The following PHF14 variants were observed in gnomAD, a reference collection of about 807,000 sequenced individuals.
The protein encoded by PHF14 is PHD finger protein 14.
PHF14 carries 55 observed loss-of-function variants against 117.9 expected under a neutral mutation model. That is an observed-to-expected ratio of 0.47 (90% CI 0.38 to 0.58). PHF14 has a LOEUF of 0.58. Ranked by LOEUF, PHF14 falls within the 20% of genes least tolerant of loss-of-function variation. The probability of loss-of-function intolerance (pLI) is 0.00; values close to 1 mark genes in which losing one functional copy is unlikely to be tolerated. For synonymous variants in PHF14, 409 were observed against 368.6 expected (o/e 1.11, Z -1.26); for missense variants, 978 against 1,122.2 (o/e 0.87, Z 1.84).
chr7:11,136,324 A>G (rs943325559), intron 17 of PHF14, among the ~76,000 whole-genome samples: 1 of 151,804 alleles, frequency 6.6e-6, no homozygotes, highest in Non-Finnish European at 1.5e-5. Flanking sequence ...AGAACTTTTC[A>G]TTTTTATTTG....
intron 4 of PHF14, among the ~76,000 whole-genome samples, chr7:11,001,335 T>G (rs1370467700): frequency 2.6e-5 from 4 of 152,168 alleles, no homozygotes; most frequent in Admixed American, 1.3e-4. Flanking sequence ...GTGTTACTCC[T>G]TTGACTTGTT....
intron 2 of PHF14, among the ~76,000 whole-genome samples, chr7:10,975,521 T>C (rs954606656): frequency 1.3e-5 from 2 of 152,212 alleles, no homozygotes; most frequent in African/African-American, 4.8e-5. Context: ...AAAAACTTTT[T>C]TTAAAGGTCG....
intron 16 of PHF14, among the ~76,000 whole-genome samples, chr7:11,082,653 G>T (rs920539964): frequency 6.6e-6 from 1 of 152,166 alleles, no homozygotes; most frequent in Middle Eastern, 3.2e-3. Flanking sequence ...AAGATAAAGA[G>T]TTGGGGATAA....
chr7:11,112,285 T>TA (rs964453294), intron 17 of PHF14, among the ~76,000 whole-genome samples: 1 of 152,178 alleles, frequency 6.6e-6, no homozygotes, highest in African/African-American at 2.4e-5. Flanking sequence ...CAATGCTACT[T>TA]AAATGATTTT....
At chr7:11,168,019 CAA>C (rs35327585) in intron 17 of PHF14, among the ~76,000 whole-genome samples, 8 of 122,566 alleles carry the variant, frequency 6.5e-5, no homozygotes, top group African/African-American at 8.7e-5. Context: ...GAGTCCGTCT[CAA>C]AAAAAAAAAA....
rs766766816 is a variant in PHF14 at position 11,028,757 on chromosome 7, C to T, written c.1394C>T (p.Ala465Val). The change falls in exon 7 of 18, where the codon GCC (alanine) becomes GTC (valine). Residue 465 changes from alanine (A) to valine (V), a missense_variant. Around this residue, in one of 7 missense-constraint regions of PHF14, gnomAD observed 23 missense variants for 66.8 expected, o/e 0.34. Coordinates refer to ENST00000634607, the MANE Select transcript of PHF14 (RefSeq NM_001007157.2). Reference sequence around the variant, plus strand: ...AGCTGTGATGCAGGGATGTGCAGAGCCTATTTCCATGTGACCTGTGCTCAA... The same window carrying T: ...AGCTGTGATGCAGGGATGTGCAGAGTCTATTTCCATGTGACCTGTGCTCAA... ...CISCDAGMCR[A>V]YFHVTCAQKE... 6.2e-7 allele frequency: 1 copy of T among 1,613,702 alleles called. No individual in the cohort carries two copies. Among genetic ancestry groups the T allele is most frequent in the East Asian group, 2.2e-5 (1 of 44,858 alleles).
chr7:11,140,478 T>C (rs1788369810), intron 17 of PHF14, among the ~76,000 whole-genome samples: 1 of 152,140 alleles, frequency 6.6e-6, no homozygotes, highest in Non-Finnish European at 1.5e-5. Context: ...GAAGCAAATA[T>C]GTACAGTATA....
intron 3 of PHF14, among the ~76,000 whole-genome samples, chr7:10,983,911 ACT>A (rs1294593933): frequency 6.6e-6 from 1 of 151,702 alleles, no homozygotes; most frequent in Non-Finnish European, 1.5e-5. Context: ...ATCATTCAAG[ACT>A]CTTCAGTCAA....
rs1265713563 is a variant in PHF14 at position 11,169,602 on chromosome 7, A to G, written c.*112A>G. 1 of 485,060 alleles carries G rather than the reference A, an allele frequency of 2.1e-6. No individual in the cohort carries two copies. The highest frequency in any genetic ancestry group is 3.6e-6 in the Non-Finnish European group (1 of 275,698). 30.0% of individuals were successfully genotyped at this position (485,060 alleles called of 1,614,324 possible). A position where few individuals can be genotyped will look rare whatever the true frequency, so the allele number is the denominator to read the frequency against. ...CTAATTTGCAAAATGTTCTCAATAA[A>G]GTCATTCAAAATGAAATAGGAGCTT... On this transcript the variant is annotated 3_prime_UTR_variant, in exon 18 of 18. Transcript: ENST00000634607.
intron 13 of PHF14, among the ~76,000 whole-genome samples, chr7:11,050,202 T>G (rs1784809606): frequency 6.6e-6 from 1 of 152,200 alleles, no homozygotes. Flanking sequence ...TAGTGAAAGA[T>G]GTGAATTTTG....
Position 11,098,293 on chromosome 7 carries a change from C to G in PHF14, c.2655-13057C>G, listed in dbSNP as rs73277678. ...CTATTAAAACATTTCTTGATCCATT[C>G]TTTTCCTTTCCCATTCCTATGGCTT... On this transcript the variant is annotated intron_variant, in intron 16 of 17. Coordinates refer to ENST00000634607, the MANE Select transcript of PHF14 (RefSeq NM_001007157.2). Among the ~76,000 whole-genome samples the G allele has an allele frequency of 1.6e-3, 237 of 152,242 alleles. 2 individuals carry two copies. The highest frequency in any genetic ancestry group is 5.6e-3 in the African/African-American group (233 of 41,542).
chr7:11,071,732 T>A (rs1373139353), intron 16 of PHF14, among the ~76,000 whole-genome samples: 1 of 152,224 alleles, frequency 6.6e-6, no homozygotes, highest in African/African-American at 2.4e-5. Context: ...CACTGGTTTC[T>A]CATAGCCCTG....
chr7:11,122,342 TATATATATATACACAC>T (rs754684074), intron 17 of PHF14, among the ~76,000 whole-genome samples: 16 of 89,130 alleles, frequency 1.8e-4, no homozygotes, highest in African/African-American at 5.8e-4. Flanking sequence ...TATATATATA[TATATATATATACACAC>T]ACACACACAC....
At chr7:11,052,725 T>G (rs1562441734) in intron 14 of PHF14, among the ~76,000 whole-genome samples, 3 of 152,204 alleles carry the variant, frequency 2.0e-5, no homozygotes. Context: ...TGTTCATCTA[T>G]TTACATATTT....
intron 6 of PHF14, among the ~76,000 whole-genome samples, chr7:11,023,790 G>A (rs1783817970): frequency 6.6e-6 from 1 of 151,990 alleles, no homozygotes; most frequent in South Asian, 2.1e-4. Flanking sequence ...ATTGCGCCAC[G>A]GCACTCCAGC....
intron 16 of PHF14, among the ~76,000 whole-genome samples, chr7:11,068,083 G>A (rs1392159055): frequency 6.6e-6 from 1 of 152,140 alleles, no homozygotes. Context: ...GGGTGCGGTG[G>A]CTCACGCCTG....
At chr7:11,007,501 T>G (rs867740222) in intron 4 of PHF14, among the ~76,000 whole-genome samples, 5 of 152,192 alleles carry the variant, frequency 3.3e-5, no homozygotes, top group Non-Finnish European at 5.9e-5. Context: ...AAGGGACATT[T>G]TTAAAAGTGT....
At chr7:11,139,288 C>G (rs377567574) in intron 17 of PHF14, among the ~76,000 whole-genome samples, 1 of 152,244 alleles carries the variant, frequency 6.6e-6, no homozygotes, top group Middle Eastern at 3.4e-3. Flanking sequence ...ATTAGGCATT[C>G]ATCTATCTTT....
intron 7 of PHF14, 154 bp from the exon 8 acceptor site, chr7:11,035,486 T>A (rs944454254): frequency 2.4e-6 from 1 of 412,260 alleles, no homozygotes; most frequent in South Asian, 9.3e-5. Flanking sequence ...GAAGTAATTT[T>A]TGTCATTATG....
Sources: gnomAD v4.1 joint callset for allele counts (sites outside exome capture counted in the v4.1 genomes callset) on GRCh38, gnomAD v4.1.1 for gene constraint, gnomAD v4.1.1 regional missense constraint, MANE v1.5 for transcripts, NCBI Gene and HGNC (gene_info 2026-07-23, HGNC 2026-07-21) for gene names.